The following CREB5 variants were observed in gnomAD, a reference collection of about 807,000 sequenced individuals.
CREB5 encodes the protein cyclic AMP-responsive element-binding protein 5.
In CREB5, 19 loss-of-function variants were observed where a neutral mutation model predicts 57.1. The observed-to-expected ratio is 0.33, with a 90% confidence interval of 0.23 to 0.49. The LOEUF (loss-of-function observed/expected upper bound fraction) is 0.49, where lower values mean the gene tolerates loss of function less well. CREB5 is among the 20% of genes least tolerant of loss of function. CREB5 has a pLI of 0.99. For missense variants in CREB5, 579 were observed against 671.6 expected, an observed-to-expected ratio of 0.86 and a Z score of 1.52; for synonymous variants, 238 against 238.3, an observed-to-expected ratio of 1.00 and a Z score of 0.01.
chr7:28,631,724 T>C (rs1798213675), intron 5 of CREB5, among the ~76,000 whole-genome samples: 1 of 152,124 alleles, frequency 6.6e-6, no homozygotes, highest in Non-Finnish European at 1.5e-5. Context: ...TGCAGTCAAG[T>C]AAGGAAGCTA....
chr7:28,300,805 A>G (rs1315932078), intron 1 of CREB5, among the ~76,000 whole-genome samples: 6 of 152,234 alleles, frequency 3.9e-5, no homozygotes, highest in African/African-American at 1.2e-4. Flanking sequence ...CACGAAGGGC[A>G]TTTTTTTAAA....
chr7:28,603,929 C>A lies in CREB5; in HGVS notation c.464+33392C>A, dbSNP rs781412429. On this transcript the variant is annotated intron_variant, in intron 5 of 10. Transcript: ENST00000357727. ...TGTGGCTGAGAGCTGGGTTGTTTCACAAGTTTAAGGGCAGTGCTTATGTAA... is the reference window on the plus strand; with the variant it reads ...TGTGGCTGAGAGCTGGGTTGTTTCAAAAGTTTAAGGGCAGTGCTTATGTAA... Among the ~76,000 whole-genome samples the A allele has an allele frequency of 5.9e-5, 9 of 152,200 alleles. No homozygotes were observed. In the South Asian group the frequency reaches 1.9e-3, roughly 32 times the overall value.
At chr7:28,554,486 G>A (rs1794783575) in intron 4 of CREB5, among the ~76,000 whole-genome samples, 1 of 152,186 alleles carries the variant, frequency 6.6e-6, no homozygotes, top group Non-Finnish European at 1.5e-5. Context: ...TGTTGGGGTG[G>A]AGCCTTCTCC....
chr7:28,365,027 C>T (rs1394616260), intron 1 of CREB5, among the ~76,000 whole-genome samples: 1 of 152,108 alleles, frequency 6.6e-6, no homozygotes, highest in African/African-American at 2.4e-5. Flanking sequence ...CATTCAACAC[C>T]CTGAATCTCA....
intron 5 of CREB5, among the ~76,000 whole-genome samples, chr7:28,610,329 G>C (rs1251759160): frequency 2.6e-5 from 4 of 152,152 alleles, no homozygotes; most frequent in Non-Finnish European, 5.9e-5. Flanking sequence ...GAAGTTGATA[G>C]CATTGGGCTT....
chr7:28,441,637 G>A (rs2128560856), intron 1 of CREB5, among the ~76,000 whole-genome samples: 1 of 152,262 alleles, frequency 6.6e-6, no homozygotes, highest in Non-Finnish European at 1.5e-5. Flanking sequence ...GTATGTGGCA[G>A]GTACTATGTT....
Position 28,348,840 on chromosome 7 carries a change from T to C in CREB5, c.-25+49399T>C, listed in dbSNP as rs1188912563. 2.0e-5 allele frequency among the ~76,000 whole-genome samples: 3 copies of C among 152,226 alleles called. No homozygotes were observed. In the East Asian group the frequency reaches 5.8e-4, roughly 29 times the overall value. ...AGCCAGGCCATCCACATGGCGGCTG[T>C]GTGTGCCAGCCTCTCAGGCCTGGCT... is the stretch of plus-strand genomic sequence containing the variant. On this transcript the variant is annotated intron_variant, in intron 1 of 9. Coordinates refer to the CREB5 transcript ENST00000396299.
At chr7:28,675,178 A>G (rs887479491) in intron 5 of CREB5, among the ~76,000 whole-genome samples, 1 of 151,978 alleles carries the variant, frequency 6.6e-6, no homozygotes, top group Admixed American at 6.6e-5. Flanking sequence ...TCTCATCACC[A>G]TGTTTTATTT....
At chr7:28,564,333 T>A (rs989610683) in intron 4 of CREB5, among the ~76,000 whole-genome samples, 6 of 152,230 alleles carry the variant, frequency 3.9e-5, no homozygotes, top group African/African-American at 1.4e-4. Flanking sequence ...GGAATCAACA[T>A]CATTTTGCCT....
At chr7:28,602,344 C>G (rs1386348964) in intron 5 of CREB5, among the ~76,000 whole-genome samples, 1 of 152,174 alleles carries the variant, frequency 6.6e-6, no homozygotes, top group Admixed American at 6.5e-5. Context: ...CCAGGCTGGT[C>G]TCAAACTCCT....
intron 5 of CREB5, among the ~76,000 whole-genome samples, chr7:28,659,664 A>G (rs1799517009): frequency 6.6e-6 from 1 of 152,190 alleles, no homozygotes; most frequent in Non-Finnish European, 1.5e-5. Context: ...CTGATGCAAT[A>G]TGGACTAGAT....
chr7:28,601,319 A>G (rs1796912351), intron 5 of CREB5, among the ~76,000 whole-genome samples: 1 of 152,130 alleles, frequency 6.6e-6, no homozygotes, highest in African/African-American at 2.4e-5. Flanking sequence ...TTGGGGACAA[A>G]GAAGGGAGGA....
intron 9 of CREB5, among the ~76,000 whole-genome samples, chr7:28,816,393 A>G (rs992744466): frequency 2.0e-5 from 3 of 152,180 alleles, no homozygotes; most frequent in Admixed American, 1.3e-4. Context: ...TGGGAGGTAC[A>G]ATTTGCCTTC....
intron 1 of CREB5, among the ~76,000 whole-genome samples, chr7:28,312,370 G>A (rs1785295565): frequency 6.6e-6 from 1 of 152,158 alleles, no homozygotes; most frequent in South Asian, 2.1e-4. Context: ...ATACCTACTC[G>A]GATTTCACAG....
chr7:28,551,727 C>A (rs770015096), intron 4 of CREB5, among the ~76,000 whole-genome samples: 1 of 152,184 alleles, frequency 6.6e-6, no homozygotes, highest in African/African-American at 2.4e-5. Context: ...CTCACTGTCT[C>A]AGGCCTCCCA....
chr7:28,353,963 C>A (rs892589244), intron 1 of CREB5, among the ~76,000 whole-genome samples: 1 of 151,950 alleles, frequency 6.6e-6, no homozygotes, highest in South Asian at 2.1e-4. Flanking sequence ...TAGTAAGACA[C>A]CATTAAAGAC....
intron 1 of CREB5, among the ~76,000 whole-genome samples, chr7:28,425,814 C>T (rs1225985130): frequency 6.6e-6 from 1 of 152,178 alleles, no homozygotes. Context: ...CAATGGCCTT[C>T]ACTGCACCTT....
intron 5 of CREB5, among the ~76,000 whole-genome samples, chr7:28,601,615 C>T (rs909689759): frequency 2.6e-5 from 4 of 152,028 alleles, no homozygotes; most frequent in Non-Finnish European, 4.4e-5. Context: ...GGCAAGGGCT[C>T]GTCATTTATT....
intron 1 of CREB5, among the ~76,000 whole-genome samples, chr7:28,394,018 C>G (rs563109007): frequency 9.8e-5 from 13 of 133,044 alleles, no homozygotes; most frequent in African/African-American, 3.5e-4. Flanking sequence ...CTGCAGTGAG[C>G]TGACATCATG....
Sources: allele counts gnomAD v4.1 joint callset (sites outside exome capture counted in the v4.1 genomes callset), GRCh38; gene constraint gnomAD v4.1.1; transcripts MANE v1.5; gene names NCBI Gene and HGNC (gene_info 2026-07-23, HGNC 2026-07-21).